The following USP31 variants were observed in gnomAD, a reference collection of about 807,000 sequenced individuals.
USP31 encodes ubiquitin carboxyl-terminal hydrolase 31.
USP31 carries 44 observed loss-of-function variants against 119.4 expected under a neutral mutation model. The observed-to-expected ratio is 0.37, with a 90% CI of 0.29 to 0.47. The LOEUF (loss-of-function observed/expected upper bound fraction) is 0.47, where lower values mean the gene tolerates loss of function less well. Among genes scored for constraint, USP31 ranks in the 20% least tolerant of loss-of-function variants. The probability of loss-of-function intolerance (pLI) is 0.99; values close to 1 mark genes in which losing one functional copy is unlikely to be tolerated. For missense variants in USP31, 1,643 were observed against 1,730.2 expected, an observed-to-expected ratio of 0.95 and a Z score of 0.89; for synonymous variants, 749 against 705.6, an observed-to-expected ratio of 1.06 and a Z score of -0.97.
chr16:23,098,344 A>G (rs1901705782), intron 6 of USP31, among the ~76,000 whole-genome samples: 2 of 152,214 alleles, frequency 1.3e-5, no homozygotes, highest in South Asian at 4.1e-4. Context: ...AAATGGAAGA[A>G]CATTCCATGC....
In USP31 at chr16:23,064,630, GA is replaced by G. The variant is rs1224219900; in HGVS notation, c.*3415del. 1.2e-4 allele frequency: 18 copies of G among 152,154 alleles called. No homozygotes were observed. Among genetic ancestry groups the G allele is most frequent in the African/African-American group, 4.1e-4 (17 of 41,436 alleles). 9.4% of individuals were successfully genotyped at this position (152,154 alleles called of 1,614,324 possible). On this transcript the variant is annotated 3_prime_UTR_variant, in exon 16 of 16. Transcript: ENST00000219689. The stretch of plus-strand genomic sequence containing the variant: ...TTCCAGAAGGAACAGACTTGCTCAA[GA>G]GAACCACAAGCCTTAGCCGATTTGA...
At position 23,062,581 on chromosome 16, in the gene USP31, G is replaced by T. The variant is rs537883027; in HGVS notation, c.*5465C>A. The T allele has an allele frequency of 6.5e-6, 1 of 152,736 alleles. No individual in the cohort carries two copies. Among genetic ancestry groups the T allele is most frequent in the South Asian group, 2.1e-4 (1 of 4,830 alleles). The allele number at this position is 152,736 out of a possible 1,614,324, so 9.5% of individuals were successfully genotyped here. On this transcript the variant is annotated 3_prime_UTR_variant, in exon 16 of 16. Coordinates refer to ENST00000219689, the MANE Select transcript of USP31 (RefSeq NM_020718.4). Reference sequence around the variant, plus strand: ...AGCAGGGACAGGCTTTCCAAGGCTAGGAAGGTTGTTTCTTTTCTTCTTCGA... The same window carrying T: ...AGCAGGGACAGGCTTTCCAAGGCTATGAAGGTTGTTTCTTTTCTTCTTCGA...
chr16:23,075,066 G>A (rs919782063), intron 13 of USP31, among the ~76,000 whole-genome samples: 7 of 152,160 alleles, frequency 4.6e-5, no homozygotes, highest in Middle Eastern at 3.2e-3. Flanking sequence ...TAAAAGAGAC[G>A]CGGGTGAGAA....
chr16:23,079,420 T>C (rs1468060555), intron 13 of USP31: 2 of 152,210 alleles, frequency 1.3e-5, no homozygotes, highest in Non-Finnish European at 2.9e-5. Context: ...TATAAAAGTG[T>C]CATGCACTTG....
intron 13 of USP31, among the ~76,000 whole-genome samples, chr16:23,076,288 T>TAA (rs766668376): frequency 8.4e-5 from 11 of 130,190 alleles, no homozygotes; most frequent in Middle Eastern, 3.9e-3. Flanking sequence ...AAGTTGATGT[T>TAA]AAAAAAAAAA....
rs570892429 is a variant in USP31, at chr16:23,122,215, C to T, written c.634-14032G>A. Among the ~76,000 whole-genome samples, 3 of 152,170 alleles carry T rather than the reference C, an allele frequency of 2.0e-5. No individual in the cohort carries two copies. The East Asian group carries it at 5.8e-4, about 29-fold the overall frequency. ...TAATATCAAATTTTAGCAAAAGAAC[C>T]CAGACACAAAAGAATATATACTTAT... On this transcript the variant is annotated intron_variant, in intron 1 of 15. Coordinates refer to ENST00000219689, the MANE Select transcript of USP31 (RefSeq NM_020718.4).
chr16:23,068,124 C>T lies in USP31; in HGVS notation c.3981G>A (p.Arg1327=). The T allele has an allele frequency of 6.2e-7, 1 of 1,614,182 alleles. No homozygotes were observed. Among genetic ancestry groups the T allele is most frequent in the South Asian group, 1.1e-5 (1 of 91,082 alleles). ...TTTTTGAGGATTTCTCTGCAGACTGCCTGCCACCCGGAGACGAGGGAACTC... is the reference window on the plus strand; with the variant it reads ...TTTTTGAGGATTTCTCTGCAGACTGTCTGCCACCCGGAGACGAGGGAACTC... ...DSGVPSSPGG[R]QSAEKSSKKL... The change falls in exon 16 of 16, where the codon AGG becomes AGA. Residue 1327 remains arginine (R), a synonymous_variant. Transcript: ENST00000219689.
Position 23,069,407 on chromosome 16 carries a change from C to T in USP31, c.2698G>A (p.Gly900Arg), listed in dbSNP as rs1250234945. ...HSSASTLEKI[G>R]EAADDKVSIS... ...GAGACCTTGTCATCTGCTGCCTCCC[C>T]AATCTTCTCCAAGGTGGAAGCAGAG... Residue 900 changes from glycine (G) to arginine (R), a missense_variant, in exon 16 of 16, where the codon GGG becomes AGG. Gly to Arg is a moderately radical substitution (Grantham distance 125). This residue lies in a region of USP31 where 699 missense variants were observed against 650.9 expected (regional missense o/e 1.07). Coordinates refer to ENST00000219689, the MANE Select transcript of USP31 (RefSeq NM_020718.4). 1 of 1,613,046 alleles carries T rather than the reference C, an allele frequency of 6.2e-7. No homozygotes were observed. Among genetic ancestry groups the T allele is most frequent in the Non-Finnish European group, 8.5e-7 (1 of 1,179,234 alleles).
intron 1 of USP31, among the ~76,000 whole-genome samples, chr16:23,132,706 A>C (rs1403088969): frequency 6.6e-6 from 1 of 152,234 alleles, no homozygotes; most frequent in African/African-American, 2.4e-5. Context: ...GAAAATGGTA[A>C]CATTCAATAA....
At chr16:23,140,853 C>T (rs1903334037) in intron 1 of USP31, among the ~76,000 whole-genome samples, 1 of 152,214 alleles carries the variant, frequency 6.6e-6, no homozygotes. Context: ...CTCTCCTCAA[C>T]GTTCTCTGCT....
chr16:23,140,416 C>G (rs1017413439), intron 1 of USP31, among the ~76,000 whole-genome samples: 1 of 152,000 alleles, frequency 6.6e-6, no homozygotes, highest in Non-Finnish European at 1.5e-5. Context: ...AGTGCCAGGA[C>G]AGCCCCCAAC....
Position 23,072,058 on chromosome 16 carries a change from C to G in USP31, c.2475G>C (p.Arg825Ser). 1.2e-6 allele frequency: 2 copies of G among 1,612,882 alleles called. No homozygotes were observed. The stretch of plus-strand genomic sequence containing the variant: ...ACCCACACCCACCATCATCTTCACT[C>G]CTTTCTCCAGTCATCTCCACGGACT... Reference protein sequence around the residue: ...LSESVEMTGERSEDDGGFSTR... With the variant: ...LSESVEMTGESSEDDGGFSTR... Residue 825 changes from arginine to serine, a missense_variant, in exon 15 of 16, where the codon AGG (arginine) becomes AGC (serine). By Grantham distance (110) the Arg-to-Ser change is moderately radical (BLOSUM62 -1). Transcript: ENST00000219689.
intron 5 of USP31, among the ~76,000 whole-genome samples, chr16:23,102,809 T>C (rs1007119292): frequency 1.3e-5 from 2 of 152,232 alleles, no homozygotes; most frequent in African/African-American, 2.4e-5. Flanking sequence ...GCATAACAAC[T>C]ATTTACATAA....
At chr16:23,122,713 T>C (rs1225571255) in intron 1 of USP31, among the ~76,000 whole-genome samples, 2 of 152,166 alleles carry the variant, frequency 1.3e-5, no homozygotes, top group Non-Finnish European at 2.9e-5. Context: ...AGGCCACATA[T>C]ATGATTCCTT....
chr16:23,072,564 A>G (rs866423489), intron 14 of USP31: 1 of 532,774 alleles, frequency 1.9e-6, no homozygotes, highest in Non-Finnish European at 3.3e-6. Context: ...CACTGTTCTA[A>G]GCAATTGCAG....
At position 23,067,354 on chromosome 16, in the gene USP31, A is replaced by T. The variant is rs1900115341; in HGVS notation, c.*692T>A. 1 of 152,670 alleles carries T rather than the reference A, an allele frequency of 6.6e-6. No homozygotes were observed. The highest frequency in any genetic ancestry group is 2.1e-4 in the South Asian group (1 of 4,828). 9.5% of individuals were successfully genotyped at this position (152,670 alleles called of 1,614,324 possible). A position where few individuals can be genotyped will look rare whatever the true frequency, so the allele number is the denominator to read the frequency against. On this transcript the variant is annotated 3_prime_UTR_variant, in exon 16 of 16. Transcript: ENST00000219689. The stretch of plus-strand genomic sequence containing the variant: ...AGATAGGAAGGTGGTGAAAGGCTTC[A>T]TTTCTACCTCGAAAATGTCTATCTG...
In USP31 at chr16:23,085,093, A is replaced by T. The variant is rs545660858; in HGVS notation, c.1701-104T>A. 1.1e-3 allele frequency: 1,613 copies of T among 1,465,750 alleles called. 2 individuals carry two copies. The highest frequency in any genetic ancestry group is 2.1e-3 in the Middle Eastern group (11 of 5,136). 90.8% of individuals were successfully genotyped at this position (1,465,750 alleles called of 1,614,324 possible). A position where few individuals can be genotyped will look rare whatever the true frequency, so the allele number is the denominator to read the frequency against. On this transcript the variant is annotated intron_variant, in intron 10 of 15. Coordinates refer to ENST00000219689, the MANE Select transcript of USP31 (RefSeq NM_020718.4). ...TGACTACAAACTCATAACCGAAGGA[A>T]AAAAAAAATCAATGTGTAAGAAAAC...
Position 23,068,779 on chromosome 16 carries a change from G to A in USP31, c.3326C>T (p.Ser1109Phe). The A allele has an allele frequency of 6.4e-7, 1 of 1,573,780 alleles. No individual in the cohort carries two copies. Among genetic ancestry groups the A allele is most frequent in the Non-Finnish European group, 8.6e-7 (1 of 1,162,134 alleles). The part of the protein sequence containing the change: ...SSPKSQDSVS[S>F]PSPQKQKSAS... ...TGACTTCTGCTTCTGTGGCGAAGGA[G>A]ATGACACGGAGTCCTGAGATTTCGG... The change falls in exon 16 of 16, where the codon TCT becomes TTT. Residue 1109 changes from serine (S) to phenylalanine (F), a missense_variant. Coordinates refer to ENST00000219689, the MANE Select transcript of USP31 (RefSeq NM_020718.4).
Position 23,098,744 on chromosome 16 carries a change from G to A in USP31, c.1234+3575C>T, listed in dbSNP as rs530165839. On this transcript the variant is annotated intron_variant, in intron 6 of 15. Coordinates refer to ENST00000219689, the MANE Select transcript of USP31 (RefSeq NM_020718.4). ...GGAAAGGATTCCCTGTTTAATAAAT[G>A]GTGCTGGGAAAACTGGCTAGCCATA... 5.6e-3 allele frequency among the ~76,000 whole-genome samples: 859 copies of A among 152,280 alleles called. 4 individuals carry two copies. Among genetic ancestry groups the A allele is most frequent in the Non-Finnish European group, 8.9e-3 (602 of 68,022 alleles).
Sources: allele counts gnomAD v4.1 joint callset (sites outside exome capture counted in the v4.1 genomes callset), GRCh38; gene constraint gnomAD v4.1.1; regional missense constraint gnomAD v4.1.1; transcripts MANE v1.5; gene names NCBI Gene and HGNC (gene_info 2026-07-23, HGNC 2026-07-21).